The following GRAMD1B variants were observed in gnomAD, a reference collection of about 807,000 sequenced individuals.
The protein encoded by GRAMD1B is GRAM domain containing 1B.
Under a neutral mutation model 99.7 loss-of-function variants are expected in GRAMD1B, and 37 were observed. The ratio of observed to expected loss-of-function variants is 0.37; its 90% CI spans 0.29 to 0.49. The LOEUF is 0.49. Ranked by LOEUF, GRAMD1B falls within the 20% of genes least tolerant of loss-of-function variation. The probability of loss-of-function intolerance (pLI) is 0.98; values close to 1 mark genes in which losing one functional copy is unlikely to be tolerated. For synonymous variants in GRAMD1B, 427 were observed against 387.6 expected, an observed-to-expected ratio of 1.10 and a Z score of -1.19; for missense variants, 888 against 1,009.2, an observed-to-expected ratio of 0.88 and a Z score of 1.63.
chr11:123,540,781 A>G (rs900638172), intron 2 of GRAMD1B, among the ~76,000 whole-genome samples: 3 of 152,072 alleles, frequency 2.0e-5, no homozygotes, highest in African/African-American at 4.8e-5. Context: ...AAGTCATCCT[A>G]TATATTCTGA....
chr11:123,500,682 T>A (rs1342429355), intron 2 of GRAMD1B, among the ~76,000 whole-genome samples: 10 of 152,122 alleles, frequency 6.6e-5, no homozygotes, highest in African/African-American at 2.4e-4. Context: ...GAAACCTTTT[T>A]ATTTTTTTTT....
rs79557064 is a variant in GRAMD1B at position 123,424,461 on chromosome 11, G to C, written c.-175-56355G>C. Among the ~76,000 whole-genome samples the C allele has an allele frequency of 5.3e-3, 804 of 152,180 alleles. 14 individuals are homozygous for C. In the East Asian group the frequency reaches 0.074, roughly 14 times the overall value. On this transcript the variant is annotated intron_variant, in intron 1 of 20. Coordinates refer to the GRAMD1B transcript ENST00000638157. ...AGCCTGGACAACATAGCAAGACCCT[G>C]TCTCTAATTAAAAACAAACAACCAA...
chr11:123,498,667 T>C (rs900990435), intron 2 of GRAMD1B, among the ~76,000 whole-genome samples: 1 of 152,198 alleles, frequency 6.6e-6, no homozygotes, highest in East Asian at 1.9e-4. Flanking sequence ...TGGGTAAGTG[T>C]TCATGTCTCC....
intron 3 of GRAMD1B, among the ~76,000 whole-genome samples, chr11:123,583,979 G>A (rs576296198): frequency 9.7e-4 from 148 of 152,208 alleles, no homozygotes; most frequent in African/African-American, 3.4e-3. Flanking sequence ...GCCCATTTGG[G>A]GACTGGGTCT....
At position 123,577,126 on chromosome 11, in the gene GRAMD1B, G is replaced by T. The variant is rs945332975; in HGVS notation, c.453-241G>T. On this transcript the variant is annotated intron_variant, in intron 2 of 19. Transcript: ENST00000635736. ...ATGGACGGATGCATGTCTAGATGTC[G>T]ATTGCCCGTTGGCTCGTGCGTCTGT... Among the ~76,000 whole-genome samples the T allele has an allele frequency of 7.2e-5, 11 of 152,336 alleles. No individual in the cohort carries two copies. The East Asian group carries it at 1.5e-3, about 21-fold the overall frequency.
Position 123,595,285 on chromosome 11 carries a change from A to ATTT in GRAMD1B, c.873+459_873+461dup, listed in dbSNP as rs11408764. Among the ~76,000 whole-genome samples the ATTT allele has an allele frequency of 5.7e-4, 84 of 146,658 alleles. 1 individual carries two copies. The highest frequency in any genetic ancestry group is 3.5e-3 in the Middle Eastern group (1 of 286). On this transcript the variant is annotated intron_variant, in intron 6 of 19. Transcript: ENST00000635736. ...AAGGAAGAGAAAGATTAACTAGATG[A>ATTT]TTTTTTTTTTTTTTAAACAGAGTTT...
chr11:123,421,723 C>T (rs1002975457), intron 1 of GRAMD1B, among the ~76,000 whole-genome samples: 2 of 152,144 alleles, frequency 1.3e-5, no homozygotes, highest in African/African-American at 4.8e-5. Flanking sequence ...TGGTTGAGGG[C>T]ATAGAAAATG....
intron 1 of GRAMD1B, among the ~76,000 whole-genome samples, chr11:123,440,403 G>T (rs189652085): frequency 6.6e-6 from 1 of 152,110 alleles, no homozygotes; most frequent in Non-Finnish European, 1.5e-5. Flanking sequence ...CCAGCTACTC[G>T]GGAGGCTGAG....
chr11:123,607,166 C>T (rs1343573540), intron 11 of GRAMD1B, among the ~76,000 whole-genome samples: 2 of 152,170 alleles, frequency 1.3e-5, no homozygotes, highest in Non-Finnish European at 2.9e-5. Context: ...GAAACGTCCT[C>T]AAGATAGCTG....
intron 2 of GRAMD1B, among the ~76,000 whole-genome samples, chr11:123,569,534 G>A (rs1263085914): frequency 6.6e-6 from 1 of 152,186 alleles, no homozygotes; most frequent in Non-Finnish European, 1.5e-5. Flanking sequence ...TCTGAATTTG[G>A]AACTGGTTTA....
chr11:123,414,047 AT>A (rs780726855), intron 1 of GRAMD1B, among the ~76,000 whole-genome samples: 628 of 142,460 alleles, frequency 4.4e-3, no homozygotes, highest in Middle Eastern at 0.015. Flanking sequence ...CATCATCATC[AT>A]TTTTTTTTTT....
At chr11:123,527,224 T>G (rs1200272786) in intron 2 of GRAMD1B, among the ~76,000 whole-genome samples, 1 of 152,102 alleles carries the variant, frequency 6.6e-6, no homozygotes, top group African/African-American at 2.4e-5. Context: ...AAGGTTGATT[T>G]TCAGAGTCAG....
chr11:123,430,052 G>A (rs1414556507), upstream of GRAMD1B, among the ~76,000 whole-genome samples: 1 of 151,780 alleles, frequency 6.6e-6, no homozygotes, highest in Non-Finnish European at 1.5e-5. Flanking sequence ...GCCAATCGTT[G>A]CCCTGAGAAA....
chr11:123,419,544 T>C (rs779394734), intron 1 of GRAMD1B, among the ~76,000 whole-genome samples: 1 of 152,078 alleles, frequency 6.6e-6, no homozygotes, highest in Non-Finnish European at 1.5e-5. Context: ...GGCAGGAGGA[T>C]TGCCTGAGGC....
intron 1 of GRAMD1B, among the ~76,000 whole-genome samples, chr11:123,367,086 G>A (rs529513911): frequency 9.2e-5 from 14 of 151,926 alleles, no homozygotes; most frequent in Non-Finnish European, 1.3e-4. Flanking sequence ...GTCTGTAGTC[G>A]TAGCTACTTG....
chr11:123,482,682 A>G (rs1951678133), intron 2 of GRAMD1B, among the ~76,000 whole-genome samples: 1 of 152,216 alleles, frequency 6.6e-6, no homozygotes, highest in African/African-American at 2.4e-5. Flanking sequence ...TATTTCGTGT[A>G]TTATTCCAGT....
At chr11:123,608,523 C>G (rs1321138245) in intron 11 of GRAMD1B, 136 bp from the exon 12 acceptor site, 1 of 1,541,804 alleles carries the variant, frequency 6.5e-7, no homozygotes, top group African/African-American at 1.4e-5. Flanking sequence ...CTCAGCTGTC[C>G]TGCTCCGTGT....
At chr11:123,512,985 A>G (rs1302366952) in intron 2 of GRAMD1B, among the ~76,000 whole-genome samples, 1 of 152,184 alleles carries the variant, frequency 6.6e-6, no homozygotes, top group East Asian at 1.9e-4. Context: ...CTATTTGTAT[A>G]GTCTAGGTAC....
intron 1 of GRAMD1B, among the ~76,000 whole-genome samples, chr11:123,386,148 A>T (rs1475486511): frequency 6.6e-6 from 1 of 152,160 alleles, no homozygotes; most frequent in Non-Finnish European, 1.5e-5. Flanking sequence ...CTGTCAAGTG[A>T]GATTCTAATA....
Sources: gnomAD v4.1 joint callset for allele counts (sites outside exome capture counted in the v4.1 genomes callset) on GRCh38, gnomAD v4.1.1 for gene constraint, MANE v1.5 for transcripts, NCBI Gene and HGNC (gene_info 2026-07-23, HGNC 2026-07-21) for gene names.